RBPJ: variants seen among roughly 807,000 people sequenced by gnomAD.
The protein encoded by RBPJ is recombination signal binding protein for immunoglobulin kappa J region, also known as recombining binding protein suppressor of hairless.
A neutral mutation model predicts 67.8 loss-of-function variants in RBPJ; 9 were observed. That is an observed-to-expected ratio of 0.13 (90% CI 0.08 to 0.23). The LOEUF (loss-of-function observed/expected upper bound fraction) is 0.23. Among genes scored for constraint, RBPJ ranks in the 10% least tolerant of loss-of-function variants. The pLI is 1.00. For missense variants in RBPJ, 305 were observed against 595.6 expected (o/e 0.51, Z 5.08); for synonymous variants, 198 against 203.3 (o/e 0.97, Z 0.22).
intron 7 of RBPJ, among the ~76,000 whole-genome samples, chr4:26,427,503 A>G (rs777565053): frequency 1.3e-5 from 2 of 152,178 alleles, no homozygotes; most frequent in African/African-American, 4.8e-5. Context: ...AGAGAGGAAA[A>G]GAGGGCTGAG....
chr4:26,285,393 T>A (rs1421957993), intron 1 of RBPJ, among the ~76,000 whole-genome samples: 1 of 151,044 alleles, frequency 6.6e-6, no homozygotes, highest in Non-Finnish European at 1.5e-5. Flanking sequence ...CTTCAAACAA[T>A]AAACGCATAT....
chr4:26,294,012 C>A (rs1252049060), intron 1 of RBPJ, among the ~76,000 whole-genome samples: 1 of 152,184 alleles, frequency 6.6e-6, no homozygotes, highest in African/African-American at 2.4e-5. Flanking sequence ...CTCACCTCAA[C>A]CTCCCAAAGT....
intron 1 of RBPJ, chr4:26,362,401 A>C: frequency 8.0e-7 from 1 of 1,246,236 alleles, no homozygotes; most frequent in Non-Finnish European, 1.1e-6. Flanking sequence ...CTAGCAGTTT[A>C]ACATACCAAC....
chr4:26,327,209 G>A (rs899451379), intron 1 of RBPJ, among the ~76,000 whole-genome samples: 4 of 152,094 alleles, frequency 2.6e-5, no homozygotes, highest in African/African-American at 9.7e-5. Flanking sequence ...GGTCTAAAAA[G>A]GGTAATGTAT....
chr4:26,403,993 C>G (rs1483638457), intron 2 of RBPJ, among the ~76,000 whole-genome samples: 1 of 152,156 alleles, frequency 6.6e-6, no homozygotes, highest in African/African-American at 2.4e-5. Context: ...CTAATTTACG[C>G]TACCACCAAC....
intron 1 of RBPJ, among the ~76,000 whole-genome samples, chr4:26,312,289 G>A (rs527280144): frequency 1.6e-4 from 25 of 152,128 alleles, no homozygotes; most frequent in Non-Finnish European, 2.8e-4. Context: ...CCGCCACCAC[G>A]CCTGGCTAAT....
At chr4:26,285,479 A>G (rs1721433306) in intron 1 of RBPJ, among the ~76,000 whole-genome samples, 1 of 151,934 alleles carries the variant, frequency 6.6e-6, no homozygotes, top group Non-Finnish European at 1.5e-5. Flanking sequence ...TAAAACCCCT[A>G]CTGTCATTTC....
At chr4:26,375,930 A>G (rs777798851) in intron 1 of RBPJ, among the ~76,000 whole-genome samples, 3 of 152,030 alleles carry the variant, frequency 2.0e-5, no homozygotes, top group East Asian at 1.9e-4. Context: ...ATTCATACAT[A>G]TACTCCTCAG....
chr4:26,120,160 A>C, the RBPJ span, among the ~76,000 whole-genome samples: 1 of 152,230 alleles, frequency 6.6e-6, no homozygotes, highest in Non-Finnish European at 1.5e-5. Context: ...GAAAGTCAGC[A>C]GTAGTAGTAG....
Position 26,211,413 on chromosome 4 carries a change from C to A in RBPJ, c.-167+47799C>A, listed in dbSNP as rs111764929. ...TCTGGGGAGAAAATAGATATTTACA[C>A]AATAAATAATCATTGTATCTCTACA... On this transcript the variant is annotated intron_variant, in intron 1 of 4. Transcript: ENST00000512351. 5.2e-3 allele frequency among the ~76,000 whole-genome samples: 791 copies of A among 152,238 alleles called. 7 individuals are homozygous for A. Among genetic ancestry groups the A allele is most frequent in the African/African-American group, 0.017 (686 of 41,524 alleles).
At chr4:26,384,818 C>T (rs1730676282) in intron 1 of RBPJ, among the ~76,000 whole-genome samples, 2 of 89,748 alleles carry the variant, frequency 2.2e-5, no homozygotes, top group African/African-American at 9.0e-5. Flanking sequence ...CGCCTCTCCC[C>T]TCTCCCCCTC....
At chr4:26,199,674 C>G (rs1717913192) in intron 1 of RBPJ, among the ~76,000 whole-genome samples, 1 of 152,160 alleles carries the variant, frequency 6.6e-6, no homozygotes, top group Non-Finnish European at 1.5e-5. Flanking sequence ...GACTATTTCT[C>G]CAACAGCAAC....
At chr4:26,137,012 C>T in the RBPJ span, among the ~76,000 whole-genome samples, 1 of 152,190 alleles carries the variant, frequency 6.6e-6, no homozygotes, top group South Asian at 2.1e-4. Flanking sequence ...CCTGTCTATT[C>T]AGCAGAAGCT....
At chr4:26,413,918 A>G (rs951369078) in intron 3 of RBPJ, among the ~76,000 whole-genome samples, 1 of 152,202 alleles carries the variant, frequency 6.6e-6, no homozygotes, top group African/African-American at 2.4e-5. Flanking sequence ...TCAGTCATCT[A>G]TTGAACAATT....
At chr4:26,254,841 C>G (rs1161338832) in intron 1 of RBPJ, among the ~76,000 whole-genome samples, 1 of 24,480 alleles carries the variant, frequency 4.1e-5, no homozygotes, top group Non-Finnish European at 8.6e-5. Context: ...CCATGCCCAG[C>G]TATTTTTTTT....
Position 26,215,002 on chromosome 4 carries a change from A to C in RBPJ, c.-167+51388A>C, listed in dbSNP as rs143990665. 2.1e-4 allele frequency among the ~76,000 whole-genome samples: 5 copies of C among 23,488 alleles called. 1 individual carries two copies. Among genetic ancestry groups the C allele is most frequent in the East Asian group, 6.8e-3 (1 of 148 alleles). 15.4% of individuals were successfully genotyped at this position (23,488 alleles called of 152,430 possible). ...AAGGAAGGAGGGAGGGAGGGAGGGA[A>C]GGAAGGAAGGAGAGAAAGAAAGAAA... On this transcript the variant is annotated intron_variant, in intron 1 of 4. Coordinates refer to the RBPJ transcript ENST00000512351.
chr4:26,376,481 C>G (rs1180149753), intron 1 of RBPJ, among the ~76,000 whole-genome samples: 1 of 152,176 alleles, frequency 6.6e-6, no homozygotes, highest in African/African-American at 2.4e-5. Flanking sequence ...TGAATCATAT[C>G]CCATCATATG....
At chr4:26,158,582 GA>G (rs1393331202), upstream of RBPJ, among the ~76,000 whole-genome samples, 1 of 152,180 alleles carries the variant, frequency 6.6e-6, no homozygotes, top group African/African-American at 2.4e-5. Flanking sequence ...TGCAGAGGAA[GA>G]AAAAGTGAAG....
At chr4:26,280,001 G>A (rs1414163615) in intron 1 of RBPJ, among the ~76,000 whole-genome samples, 1 of 151,338 alleles carries the variant, frequency 6.6e-6, no homozygotes, top group African/African-American at 2.4e-5. Context: ...TGCCCAGGCT[G>A]ATCTGCAACT....
Sources: allele counts gnomAD v4.1 joint callset (sites outside exome capture counted in the v4.1 genomes callset), GRCh38; gene constraint gnomAD v4.1.1; transcripts MANE v1.5; gene names NCBI Gene and HGNC (gene_info 2026-07-23, HGNC 2026-07-21).